The following ATP2B3 variants were observed in gnomAD, a reference collection of about 807,000 sequenced individuals.
ATP2B3 encodes plasma membrane calcium-transporting ATPase 3.
A neutral mutation model predicts 70.8 loss-of-function variants in ATP2B3; 12 were observed. The ratio of observed to expected loss-of-function variants is 0.17; its 90% confidence interval spans 0.11 to 0.27. ATP2B3 has a LOEUF of 0.27. Among genes scored for constraint, ATP2B3 ranks in the 10% least tolerant of loss-of-function variants. The pLI is 1.00. For missense variants in ATP2B3, 858 were observed against 1,118.5 expected (o/e 0.77, Z 3.32); for synonymous variants, 460 against 497.8 (o/e 0.92, Z 1.01).
At chrX:153,523,445 G>A (rs1458345599) in intron 2 of ATP2B3, among the ~76,000 whole-genome samples, 3 of 112,116 alleles carry the variant, frequency 2.7e-5, no homozygotes, top group African/African-American at 9.7e-5. Flanking sequence ...GTCCTGAGGA[G>A]AGGGCCCAGG....
At chrX:153,568,931 G>A (rs2090749297) in intron 21 of ATP2B3, among the ~76,000 whole-genome samples, 2 of 112,892 alleles carry the variant, frequency 1.8e-5, no homozygotes, top group African/African-American at 6.4e-5. Flanking sequence ...CCAAGGGCAG[G>A]TCAGGAAATC....
intron 18 of ATP2B3, among the ~76,000 whole-genome samples, chrX:153,560,467 G>C: frequency 9.0e-6 from 1 of 111,679 alleles, no homozygotes; most frequent in South Asian, 3.8e-4. Context: ...TCAGGCTCAG[G>C]GTCTGGCCCC....
At position 153,581,662 on chromosome X, in the gene ATP2B3, G is replaced by A. The variant is rs981808805; in HGVS notation, c.*1364G>A. 2 of 113,039 alleles carry A rather than the reference G, an allele frequency of 1.8e-5. No individual in the cohort carries two copies. The highest frequency in any genetic ancestry group is 6.4e-5 in the African/African-American group (2 of 31,098). The allele number at this position is 113,039 out of a possible 1,213,427, so 9.3% of individuals were successfully genotyped here. A position where few individuals can be genotyped will look rare whatever the true frequency, so the allele number is the denominator to read the frequency against. On this transcript the variant is annotated 3_prime_UTR_variant, in exon 22 of 22. Coordinates refer to ENST00000263519, the MANE Select transcript of ATP2B3 (RefSeq NM_001001344.3). ...ACCCTGTCCCCTCAGCACCTGGATGGACTCCCACTGTTTGCTTTGGCAAAT... is the reference window on the plus strand; with the variant it reads ...ACCCTGTCCCCTCAGCACCTGGATGAACTCCCACTGTTTGCTTTGGCAAAT...
rs1331186778 is a variant in ATP2B3 at position 153,582,357 on chromosome X, G to T, written c.*2059G>T. 8.9e-6 allele frequency: 1 copy of T among 112,824 alleles called. No individual in the cohort carries two copies. Among genetic ancestry groups the T allele is most frequent in the East Asian group, 2.8e-4 (1 of 3,614 alleles). 9.3% of individuals were successfully genotyped at this position (112,824 alleles called of 1,213,427 possible). A position where few individuals can be genotyped will look rare whatever the true frequency, so the allele number is the denominator to read the frequency against. ...TTGTAAACTGTTCCCTGATGTCCTT[G>T]TTTAAACGATAATAAGAAAAAGGGC... On this transcript the variant is annotated 3_prime_UTR_variant, in exon 22 of 22. Coordinates refer to ENST00000263519, the MANE Select transcript of ATP2B3 (RefSeq NM_001001344.3).
chrX:153,569,574 C>T, intron 21 of ATP2B3: 1 of 1,208,868 alleles, frequency 8.3e-7, no homozygotes, highest in Non-Finnish European at 1.1e-6. Flanking sequence ...CAGTGCAAGC[C>T]AAACTTTATC....
At chrX:153,559,586 G>A (rs2090592626) in intron 17 of ATP2B3, 143 bp from the exon 18 acceptor site, 5 of 511,902 alleles carry the variant, frequency 9.8e-6, no homozygotes, top group East Asian at 7.1e-5. Context: ...TAAAGGCGAT[G>A]TAGGGATGGA....
chrX:153,559,545 G>A (rs887975738), intron 17 of ATP2B3, 184 bp from the exon 18 acceptor site: 41 of 435,950 alleles, frequency 9.4e-5, no homozygotes, highest in African/African-American at 4.4e-4. Flanking sequence ...AGGCGGGCAC[G>A]TGACAGCCCA....
chrX:153,544,348 G>A (rs1254559415), intron 7 of ATP2B3, among the ~76,000 whole-genome samples: 2 of 112,496 alleles, frequency 1.8e-5, no homozygotes, highest in Non-Finnish European at 3.8e-5. Flanking sequence ...GTCTCCAGCC[G>A]CCCTTCTCAG....
rs782683285 is a variant in ATP2B3 at position 153,556,076 on chromosome X, C to T, written c.2086C>T (p.Arg696Cys). The change falls in exon 14 of 22, where the codon CGT becomes TGT. Residue 696 changes from arginine to cysteine, a missense_variant. Arg to Cys is a radical substitution (Grantham distance 180). This residue lies in a region of ATP2B3 where 242 missense variants were observed against 281.3 expected (regional missense o/e 0.86). Coordinates refer to ENST00000263519, the MANE Select transcript of ATP2B3 (RefSeq NM_001001344.3). ...EVPEAIRKCQRAGITVRMVTG... is the reference protein window; with the variant it reads ...EVPEAIRKCQCAGITVRMVTG... ...CCCTGAAGCTATCCGAAAATGCCAGCGTGCTGGCATCACAGTCCGCATGGT... is the reference window on the plus strand; with the variant it reads ...CCCTGAAGCTATCCGAAAATGCCAGTGTGCTGGCATCACAGTCCGCATGGT... The T allele has an allele frequency of 9.1e-6, 11 of 1,211,386 alleles. No homozygotes were observed. The highest frequency in any genetic ancestry group is 1.8e-5 in the South Asian group (1 of 56,914).
intron 20 of ATP2B3, among the ~76,000 whole-genome samples, chrX:153,563,421 G>A (rs192184484): frequency 1.3e-4 from 15 of 111,359 alleles, no homozygotes; most frequent in Non-Finnish European, 2.3e-4. Flanking sequence ...GATTACAGGC[G>A]GGAGCCACCA....
intron 21 of ATP2B3, among the ~76,000 whole-genome samples, chrX:153,567,498 T>C (rs1557018559): frequency 8.9e-6 from 1 of 112,884 alleles, no homozygotes; most frequent in African/African-American, 3.2e-5. Flanking sequence ...ACTTCACTCC[T>C]GCCGCCGCAG....
rs782567031 is a variant in ATP2B3, at chrX:153,564,928, C to T, written c.3167C>T (p.Ala1056Val). 8.4e-7 allele frequency: 1 copy of T among 1,185,067 alleles called. No individual in the cohort carries two copies. Among genetic ancestry groups the T allele is most frequent in the South Asian group, 1.9e-5 (1 of 53,304 alleles). ...TCCGTGTGGCTCCCCCAGGTCATTG[C>T]CACCATCCCCACCAGCCAGCTCAAG... ...VGELVWGQVIATIPTSQLKCL... is the reference protein window; with the variant it reads ...VGELVWGQVIVTIPTSQLKCL... The change falls in exon 21 of 22, where the codon GCC (alanine) becomes GTC (valine). Residue 1056 changes from alanine (A) to valine (V), a missense_variant. Around this residue, in one of 5 missense-constraint regions of ATP2B3, gnomAD observed 265 missense variants for 305.3 expected, o/e 0.87. Transcript: ENST00000263519.
chrX:153,575,150 C>T (rs782353625), intron 21 of ATP2B3, among the ~76,000 whole-genome samples: 13 of 112,655 alleles, frequency 1.2e-4, no homozygotes, highest in African/African-American at 4.2e-4. Flanking sequence ...CAGCTCCAGC[C>T]GGCTGGGCAT....
intron 21 of ATP2B3, among the ~76,000 whole-genome samples, chrX:153,567,652 C>T (rs1429721540): frequency 2.7e-5 from 3 of 112,540 alleles, no homozygotes; most frequent in Non-Finnish European, 5.6e-5. Flanking sequence ...CTAGTAGAAG[C>T]GAGTCCCATC....
At chrX:153,566,217 C>T (rs1438803362) in intron 21 of ATP2B3, among the ~76,000 whole-genome samples, 1 of 112,769 alleles carries the variant, frequency 8.9e-6, no homozygotes, top group Non-Finnish European at 1.9e-5. Context: ...GCCATCACTC[C>T]CTGCCCCTCC....
intron 5 of ATP2B3, 62 bp from the exon 6 acceptor site, chrX:153,542,261 C>A: frequency 8.4e-7 from 1 of 1,195,452 alleles, no homozygotes; most frequent in Non-Finnish European, 1.1e-6. Flanking sequence ...CTGACGGGAC[C>A]TCCCCTGGGG....
chrX:153,524,738 A>G (rs782330631), intron 2 of ATP2B3, among the ~76,000 whole-genome samples: 3 of 110,942 alleles, frequency 2.7e-5, no homozygotes, highest in South Asian at 7.6e-4. Context: ...TGTACCGGTG[A>G]TGTGCTTTTG....
intron 2 of ATP2B3, among the ~76,000 whole-genome samples, chrX:153,528,141 C>G (rs782502490): frequency 2.7e-5 from 3 of 113,197 alleles, no homozygotes; most frequent in Non-Finnish European, 5.6e-5. Flanking sequence ...CTTTGCTGAA[C>G]TCTTTTCATT....
At position 153,547,819 on chromosome X, in the gene ATP2B3, G is replaced by T; in HGVS notation, c.959-16G>T. ...GCCAGGCACTGACCTTGGCCATGGGGTTCCTCTGTGTGCAGCTAAGAAGCA... is the reference window on the plus strand; with the variant it reads ...GCCAGGCACTGACCTTGGCCATGGGTTTCCTCTGTGTGCAGCTAAGAAGCA... On this transcript the variant is annotated splice_polypyrimidine_tract_variant and intron_variant, in intron 8 of 21. Coordinates refer to ENST00000263519, the MANE Select transcript of ATP2B3 (RefSeq NM_001001344.3). The T allele has an allele frequency of 8.5e-7, 1 of 1,171,997 alleles. No individual in the cohort carries two copies. The highest frequency in any genetic ancestry group is 3.1e-5 in the East Asian group (1 of 32,491).
Sources: allele counts gnomAD v4.1 joint callset (sites outside exome capture counted in the v4.1 genomes callset), GRCh38; gene constraint gnomAD v4.1.1; regional missense constraint gnomAD v4.1.1; transcripts MANE v1.5; gene names NCBI Gene and HGNC (gene_info 2026-07-23, HGNC 2026-07-21).